The following MALRD1 variants were observed in gnomAD, a reference collection of about 807,000 sequenced individuals.
MALRD1 encodes the protein MAM and LDL-receptor class A domain-containing protein 1.
In MALRD1, 247 loss-of-function variants were observed where a neutral mutation model predicts 242.1. That is an observed-to-expected ratio of 1.02 (90% CI 0.92 to 1.13). MALRD1 has a LOEUF of 1.13. Ranked by LOEUF, MALRD1 falls within the 50% of genes most tolerant of loss-of-function variation. The probability of loss-of-function intolerance (pLI) is 0.00; values close to 1 mark genes in which losing one functional copy is unlikely to be tolerated. For synonymous variants in MALRD1, 995 were observed against 866.6 expected (o/e 1.15, Z -2.60); for missense variants, 2,989 against 2,533.1 (o/e 1.18, Z -3.86).
At chr10:19,340,158 G>A (rs1162410746) in intron 24 of MALRD1, among the ~76,000 whole-genome samples, 1 of 152,126 alleles carries the variant, frequency 6.6e-6, no homozygotes, top group Non-Finnish European at 1.5e-5. Flanking sequence ...CATAGTAGAT[G>A]TCTATGTTTA....
At chr10:19,723,828 G>C (rs1564570847) in intron 38 of MALRD1, among the ~76,000 whole-genome samples, 1 of 151,944 alleles carries the variant, frequency 6.6e-6, no homozygotes, top group African/African-American at 2.4e-5. Flanking sequence ...TGAACATGTT[G>C]CAAGAGTATT....
At chr10:19,459,011 T>A (rs1835805368) in intron 29 of MALRD1, among the ~76,000 whole-genome samples, 1 of 152,052 alleles carries the variant, frequency 6.6e-6, no homozygotes, top group South Asian at 2.1e-4. Context: ...TAACACACAA[T>A]GCAATATTAC....
chr10:19,205,697 G>C (rs1455498202), intron 17 of MALRD1, among the ~76,000 whole-genome samples: 1 of 151,984 alleles, frequency 6.6e-6, no homozygotes, highest in Non-Finnish European at 1.5e-5. Flanking sequence ...TAAAAACCCT[G>C]AGATGTGGCT....
rs560291281 is a variant in MALRD1 at position 19,637,663 on chromosome 10, A to G, written c.6137+21740A>G. On this transcript the variant is annotated intron_variant, in intron 36 of 39. Transcript: ENST00000454679. ...GAAATGCCTTAGCCAACATCCAGCC[A>G]CATGACTTGGTGGGCACCTGGGGCT... is the stretch of plus-strand genomic sequence containing the variant. Among the ~76,000 whole-genome samples, 30 of 152,004 alleles carry G rather than the reference A, an allele frequency of 2.0e-4. No homozygotes were observed. The South Asian group carries it at 3.9e-3, about 20-fold the overall frequency.
At chr10:19,672,191 A>G (rs931334061) in intron 36 of MALRD1, among the ~76,000 whole-genome samples, 1 of 152,066 alleles carries the variant, frequency 6.6e-6, no homozygotes, top group African/African-American at 2.4e-5. Flanking sequence ...CATTTTGTCC[A>G]AGGGTGTGAA....
chr10:19,067,589 T>A (rs568129589), intron 2 of MALRD1, among the ~76,000 whole-genome samples: 2 of 152,228 alleles, frequency 1.3e-5, no homozygotes, highest in South Asian at 4.1e-4. Context: ...AACAAGCAAA[T>A]GTTCAGGCAT....
intron 11 of MALRD1, among the ~76,000 whole-genome samples, chr10:19,149,070 A>G (rs1400326908): frequency 7.0e-6 from 1 of 142,850 alleles, no homozygotes; most frequent in Non-Finnish European, 1.5e-5. Context: ...AAATCTGTCT[A>G]TCTGTCCATC....
At chr10:19,540,364 G>A (rs1049340577) in intron 32 of MALRD1, among the ~76,000 whole-genome samples, 1 of 151,940 alleles carries the variant, frequency 6.6e-6, no homozygotes, top group Non-Finnish European at 1.5e-5. Context: ...GCAAAGACAC[G>A]TGGCACCCAC....
At chr10:19,490,361 C>T (rs982482313) in intron 29 of MALRD1, among the ~76,000 whole-genome samples, 2 of 151,902 alleles carry the variant, frequency 1.3e-5, no homozygotes, top group Non-Finnish European at 2.9e-5. Context: ...ATCTTAAAAA[C>T]CATGTGAAGG....
intron 32 of MALRD1, among the ~76,000 whole-genome samples, chr10:19,554,907 C>G (rs1191624038): frequency 6.6e-6 from 1 of 152,032 alleles, no homozygotes; most frequent in Non-Finnish European, 1.5e-5. Context: ...TGGGTATATA[C>G]CCACTAATGG....
chr10:19,289,960 G>T (rs1177254764), intron 21 of MALRD1, among the ~76,000 whole-genome samples: 2 of 151,904 alleles, frequency 1.3e-5, no homozygotes, highest in African/African-American at 4.8e-5. Flanking sequence ...TTATAAGCAA[G>T]TATAAGAGAA....
chr10:19,158,108 G>T (rs902629017), intron 12 of MALRD1, among the ~76,000 whole-genome samples: 2 of 152,196 alleles, frequency 1.3e-5, no homozygotes, highest in African/African-American at 4.8e-5. Context: ...TCTTACTGCT[G>T]TTGAAATGCT....
intron 21 of MALRD1, among the ~76,000 whole-genome samples, chr10:19,305,688 C>T (rs1179009717): frequency 2.0e-5 from 3 of 149,046 alleles, no homozygotes; most frequent in African/African-American, 4.9e-5. Context: ...TAACTTAATC[C>T]TGATATTATC....
rs563671663 is a variant in MALRD1 at position 19,285,634 on chromosome 10, C to T, written c.3419+2453C>T. 2.0e-4 allele frequency among the ~76,000 whole-genome samples: 29 copies of T among 147,050 alleles called. 1 individual carries two copies. In the East Asian group the frequency reaches 2.2e-3, roughly 11 times the overall value. ...TATATCTCTGTTTTGGTACCAGTACCGTGCTGTTTTGGTTACTGTAGCCTT... is the reference window on the plus strand; with the variant it reads ...TATATCTCTGTTTTGGTACCAGTACTGTGCTGTTTTGGTTACTGTAGCCTT... On this transcript the variant is annotated intron_variant, in intron 21 of 39. Transcript: ENST00000454679.
chr10:19,501,533 A>G (rs1346387244), intron 31 of MALRD1, among the ~76,000 whole-genome samples: 1 of 152,222 alleles, frequency 6.6e-6, no homozygotes, highest in African/African-American at 2.4e-5. Context: ...AATATGCAAA[A>G]TGTTAAGATA....
At chr10:19,533,942 G>A (rs973736498) in intron 32 of MALRD1, among the ~76,000 whole-genome samples, 2 of 152,184 alleles carry the variant, frequency 1.3e-5, no homozygotes, top group Admixed American at 1.3e-4. Flanking sequence ...AGGAAGAGAG[G>A]TATTTCTTTT....
At chr10:19,594,553 A>G (rs932345311) in intron 33 of MALRD1, among the ~76,000 whole-genome samples, 11 of 152,294 alleles carry the variant, frequency 7.2e-5, no homozygotes, top group Admixed American at 3.9e-4. Context: ...TAGCAGCACA[A>G]TTCACAGTTG....
intron 32 of MALRD1, among the ~76,000 whole-genome samples, chr10:19,532,342 C>T (rs1834452192): frequency 6.6e-6 from 1 of 152,170 alleles, no homozygotes; most frequent in African/African-American, 2.4e-5. Flanking sequence ...GGAACCTCCG[C>T]CTCCCAGGTT....
chr10:19,633,744 T>G (rs1047925355), intron 36 of MALRD1: 3 of 151,962 alleles, frequency 2.0e-5, no homozygotes, highest in African/African-American at 7.3e-5. Context: ...GGCCCAACCC[T>G]GGCTTAGCTT....
Sources: gnomAD v4.1 joint callset for allele counts (sites outside exome capture counted in the v4.1 genomes callset) on GRCh38, gnomAD v4.1.1 for gene constraint, MANE v1.5 for transcripts, NCBI Gene and HGNC (gene_info 2026-07-23, HGNC 2026-07-21) for gene names.